The following PCDHA1 variants were observed in gnomAD, a reference collection of about 807,000 sequenced individuals.
The protein encoded by PCDHA1 is protocadherin alpha-1.
A neutral mutation model predicts 61.3 loss-of-function variants in PCDHA1; 42 were observed. The observed-to-expected ratio is 0.69, with a 90% CI of 0.54 to 0.89. The LOEUF (loss-of-function observed/expected upper bound fraction) is 0.89, where lower values mean the gene tolerates loss of function less well. Ranked by LOEUF, PCDHA1 falls within the 40% of genes least tolerant of loss-of-function variation. PCDHA1 has a pLI of 0.00. For synonymous variants in PCDHA1, 610 were observed against 553.8 expected (o/e 1.10, Z -1.43); for missense variants, 1,256 against 1,235.3 (o/e 1.02, Z -0.25).
intron 1 of PCDHA1, among the ~76,000 whole-genome samples, chr5:140,950,128 A>T (rs1488144119): frequency 6.6e-6 from 1 of 151,920 alleles, no homozygotes; most frequent in Non-Finnish European, 1.5e-5. Flanking sequence ...AACCCACAAG[A>T]CACAGTTATA....
intron 1 of PCDHA1, among the ~76,000 whole-genome samples, chr5:140,915,369 G>GTC (rs2077091836): frequency 6.6e-6 from 1 of 152,160 alleles, no homozygotes; most frequent in Admixed American, 6.5e-5. Context: ...ACCAGTAAGT[G>GTC]TCTCGGCATT....
In PCDHA1 at chr5:140,971,075, T is replaced by C. The variant is rs560795307; in HGVS notation, c.2395-7874T>C. 1.4e-4 allele frequency among the ~76,000 whole-genome samples: 22 copies of C among 152,322 alleles called. No homozygotes were observed. The South Asian group carries it at 3.7e-3, about 26-fold the overall frequency. ...CTTTAAATAAGGTTGCTGTAGACAT[T>C]TGCTTAACAAATTCTTGTGAAGCCC... is the stretch of plus-strand genomic sequence containing the variant. On this transcript the variant is annotated intron_variant, in intron 1 of 3. Transcript: ENST00000504120.
chr5:140,877,668 C>T, intron 1 of PCDHA1: 1 of 1,613,568 alleles, frequency 6.2e-7, no homozygotes, highest in Non-Finnish European at 8.5e-7. Context: ...TGAGCCGGTG[C>T]GCGCCGGGCA....
At chr5:140,951,395 G>A (rs1036290024) in intron 1 of PCDHA1, among the ~76,000 whole-genome samples, 1 of 152,030 alleles carries the variant, frequency 6.6e-6, no homozygotes, top group African/African-American at 2.4e-5. Flanking sequence ...AATTTATAAA[G>A]AAAAGAGGTT....
In PCDHA1 at chr5:140,883,030, C is replaced by G. The variant is rs1554176556; in HGVS notation, c.2394+94346C>G. ...TTTATAAAGTGACGGTGTTAGAGAA[C>G]GCCTTCAATGGAACATTAGTGATCA... On this transcript the variant is annotated intron_variant, in intron 1 of 3. Coordinates refer to ENST00000504120, the MANE Select transcript of PCDHA1 (RefSeq NM_018900.4). 1 of 1,613,940 alleles carries G rather than the reference C, an allele frequency of 6.2e-7. No individual in the cohort carries two copies. Among genetic ancestry groups the G allele is most frequent in the Non-Finnish European group, 8.5e-7 (1 of 1,180,036 alleles).
chr5:140,821,598 A>T, intron 1 of PCDHA1: 1 of 689,144 alleles, frequency 1.5e-6, no homozygotes, highest in Non-Finnish European at 2.3e-6. Context: ...CCAGCCTCAA[A>T]GGAATACAGT....
intron 1 of PCDHA1, chr5:140,823,943 CG>C: frequency 1.9e-6 from 3 of 1,613,918 alleles, no homozygotes; most frequent in Non-Finnish European, 2.5e-6. Context: ...CTGCGGTGCT[CG>C]GCGCAGCCCA....
At chr5:140,907,100 C>T (rs1447787481) in intron 1 of PCDHA1, among the ~76,000 whole-genome samples, 2 of 152,098 alleles carry the variant, frequency 1.3e-5, no homozygotes, top group African/African-American at 4.8e-5. Flanking sequence ...GTGCCACTTC[C>T]ACTTCCACCC....
At chr5:140,824,078 T>G in intron 1 of PCDHA1, 1 of 1,614,194 alleles carries the variant, frequency 6.2e-7, no homozygotes, top group Non-Finnish European at 8.5e-7. Context: ...AAAACAGACC[T>G]CATGGCCTTC....
intron 1 of PCDHA1, chr5:140,871,620 T>C: frequency 7.1e-7 from 1 of 1,405,980 alleles, no homozygotes; most frequent in Non-Finnish European, 9.4e-7. Context: ...TTGTTTTAGA[T>C]AACAATGTCT....
chr5:140,788,057 T>A lies in PCDHA1; in HGVS notation c.1767T>A (p.His589Gln). The A allele has an allele frequency of 6.2e-7, 1 of 1,613,900 alleles. No homozygotes were observed. The highest frequency in any genetic ancestry group is 8.5e-7 in the Non-Finnish European group (1 of 1,179,872). ...TGCCGCGATTGGTGGGTGCGGGTCA[T>A]GTGGTGGCGAAGGTGCGCGCAGTGG... Reference protein sequence around the residue: ...ELVPRLVGAGHVVAKVRAVDA... With the variant: ...ELVPRLVGAGQVVAKVRAVDA... Residue 589 changes from histidine (H) to glutamine (Q), a missense_variant, in exon 1 of 4, where the codon CAT (histidine) becomes CAA (glutamine). Physicochemically the swap from His to Gln is conservative, Grantham distance 24. Transcript: ENST00000504120.
At chr5:140,907,166 A>C (rs2073212277) in intron 1 of PCDHA1, among the ~76,000 whole-genome samples, 2 of 152,174 alleles carry the variant, frequency 1.3e-5, no homozygotes, top group Non-Finnish European at 2.9e-5. Context: ...CATATATTGG[A>C]TGCTGATTCA....
chr5:140,962,595 A>G (rs1307695991), intron 1 of PCDHA1, among the ~76,000 whole-genome samples: 1 of 152,192 alleles, frequency 6.6e-6, no homozygotes, highest in Non-Finnish European at 1.5e-5. Flanking sequence ...TTTGACTGAT[A>G]TATTTCTTCT....
At chr5:140,794,881 C>A in intron 1 of PCDHA1, 4 of 1,395,998 alleles carry the variant, frequency 2.9e-6, no homozygotes, top group Non-Finnish European at 3.9e-6. Flanking sequence ...ATAAGAGAAG[C>A]AGCAGGACTT....
At chr5:140,896,309 A>T (rs1554186897) in intron 1 of PCDHA1, among the ~76,000 whole-genome samples, 1 of 152,184 alleles carries the variant, frequency 6.6e-6, no homozygotes. Flanking sequence ...AAATCTTCAA[A>T]CTGCTTTCCA....
chr5:140,796,239 G>A, intron 1 of PCDHA1: 2 of 1,614,168 alleles, frequency 1.2e-6, no homozygotes, highest in Non-Finnish European at 1.7e-6. Context: ...AGCTGGTGGT[G>A]ACCGCACGGG....
At position 140,787,632 on chromosome 5, in the gene PCDHA1, G is replaced by T. The variant is rs1240177716; in HGVS notation, c.1342G>T (p.Val448Leu). 2 of 1,614,088 alleles carry T rather than the reference G, an allele frequency of 1.2e-6. No individual in the cohort carries two copies. Among genetic ancestry groups the T allele is most frequent in the African/African-American group, 1.3e-5 (1 of 75,064 alleles). Residue 448 changes from valine (V) to leucine (L), a missense_variant, in exon 1 of 4, where the codon GTG (valine) becomes TTG (leucine). Val to Leu is a conservative substitution (Grantham distance 32). Transcript: ENST00000504120. ...TARVSVEVAD[V>L]NDNAPAFAQP... Reference sequence around the variant, plus strand: ...CAGGGTGTCCGTGGAGGTGGCCGACGTGAATGACAACGCGCCTGCGTTCGC... The same window carrying T: ...CAGGGTGTCCGTGGAGGTGGCCGACTTGAATGACAACGCGCCTGCGTTCGC...
At chr5:140,851,602 G>A in intron 1 of PCDHA1, 1 of 918,032 alleles carries the variant, frequency 1.1e-6, no homozygotes, top group Non-Finnish European at 1.3e-6. Flanking sequence ...TCAGTTTACA[G>A]AAATTGGAGA....
In PCDHA1 at chr5:140,991,828, C is replaced by T. The variant is rs1554252431; in HGVS notation, c.2542+9265C>T. Among the ~76,000 whole-genome samples, 6 of 152,168 alleles carry T rather than the reference C, an allele frequency of 3.9e-5. No homozygotes were observed. The South Asian group carries it at 6.2e-4, about 16-fold the overall frequency. The stretch of plus-strand genomic sequence containing the variant: ...CTTCCGCATTTTTAGGCATTTATAA[C>T]GGCAGAACCGCACTTCCAGATACCA... On this transcript the variant is annotated intron_variant, in intron 3 of 3. Transcript: ENST00000504120.
Sources: allele counts gnomAD v4.1 joint callset (sites outside exome capture counted in the v4.1 genomes callset), GRCh38; gene constraint gnomAD v4.1.1; transcripts MANE v1.5; gene names NCBI Gene and HGNC (gene_info 2026-07-23, HGNC 2026-07-21).